The following CES4A variants were observed in gnomAD, a reference collection of about 807,000 sequenced individuals.
CES4A encodes carboxylesterase 6.
CES4A carries 48 observed loss-of-function variants against 65.4 expected under a neutral mutation model. The ratio of observed to expected loss-of-function variants is 0.73; its 90% confidence interval spans 0.58 to 0.93. The LOEUF (loss-of-function observed/expected upper bound fraction) is 0.93. Ranked by LOEUF, CES4A falls within the 40% of genes least tolerant of loss-of-function variation. The pLI, the probability that CES4A is intolerant of heterozygous loss-of-function variation, is 0.00. For missense variants in CES4A, 685 were observed against 728.5 expected, an observed-to-expected ratio of 0.94 and a Z score of 0.69; for synonymous variants, 247 against 281.8, an observed-to-expected ratio of 0.88 and a Z score of 1.24.
chr16:67,004,665 T>C (rs546244344), intron 9 of CES4A, 128 bp from the exon 10 acceptor site: 10 of 728,622 alleles, frequency 1.4e-5, no homozygotes, highest in Non-Finnish European at 1.9e-5. Context: ...GGGCCCTTCC[T>C]GGGCTGTGTG....
chr16:67,009,213 G>C (rs1966004371), exon 14 of CES4A: 2 of 1,432,640 alleles, frequency 1.4e-6, no homozygotes, highest in Non-Finnish European at 1.9e-6. Context: ...GACTAGCCAT[G>C]GACATACCTG....
downstream of CES4A, among the ~76,000 whole-genome samples, chr16:67,010,320 C>T (rs1232912513): frequency 2.6e-5 from 4 of 152,088 alleles, no homozygotes; most frequent in East Asian, 7.7e-4. Context: ...CCCGTCTCAG[C>T]CTGCTGAAGT....
At chr16:66,988,689 G>A in exon 1 of CES4A, 1 of 1,548,026 alleles carries the variant, frequency 6.5e-7, no homozygotes, top group Non-Finnish European at 8.7e-7. Flanking sequence ...CTCACACACT[G>A]TAGACACGGC....
chr16:67,006,043 G>C (rs1005114783), intron 11 of CES4A: 5 of 245,704 alleles, frequency 2.0e-5, no homozygotes, highest in Admixed American at 4.7e-5. Context: ...TAAAGGGGGG[G>C]GGGCTGGAAA....
chr16:66,991,770 T>C (rs1395836878), intron 1 of CES4A, among the ~76,000 whole-genome samples: 2 of 152,150 alleles, frequency 1.3e-5, no homozygotes, highest in African/African-American at 4.8e-5. Context: ...CACATTTGTA[T>C]AGTTTTGTAA....
chr16:67,001,515 C>T lies in CES4A; in HGVS notation c.690+54C>T. 6.5e-7 allele frequency: 1 copy of T among 1,531,058 alleles called. No individual in the cohort carries two copies. Among genetic ancestry groups the T allele is most frequent in the Non-Finnish European group, 8.8e-7 (1 of 1,136,222 alleles). 94.8% of individuals were successfully genotyped at this position (1,531,058 alleles called of 1,614,324 possible). ...ACAGACTTAGGCTCCTGCGTTCCCACAAATGTATGCTCCACTGCACAGGCC... is the reference window on the plus strand; with the variant it reads ...ACAGACTTAGGCTCCTGCGTTCCCATAAATGTATGCTCCACTGCACAGGCC... On this transcript the variant is annotated intron_variant, in intron 5 of 13. Coordinates refer to ENST00000648724, the Ensembl canonical transcript of CES4A. The surrounding 1 kb of genome is among the most constrained non-coding windows in gnomAD (Gnocchi z 4.1).
intron 2 of CES4A, among the ~76,000 whole-genome samples, chr16:66,999,335 G>C (rs2145616284): frequency 6.6e-6 from 1 of 152,334 alleles, no homozygotes; most frequent in South Asian, 2.1e-4. Context: ...GAAAAGGTGA[G>C]GTGGCCGGAG....
In CES4A at chr16:67,005,405, C is replaced by A. The variant is rs764932506; in HGVS notation, c.1315+12C>A. ...TCACTACCACCGAGGTATGCAGGGT[C>A]CCCAAGAGTGGCCACACTGGCCCCG... On this transcript the variant is annotated intron_variant, in intron 11 of 13. Coordinates refer to ENST00000648724, the Ensembl canonical transcript of CES4A. 1.2e-6 allele frequency: 2 copies of A among 1,612,076 alleles called. No individual in the cohort carries two copies. Among genetic ancestry groups the A allele is most frequent in the Admixed American group, 1.7e-5 (1 of 59,706 alleles).
intron 13 of CES4A, 112 bp downstream of exon 13, chr16:67,006,929 G>A (rs555018376): frequency 1.9e-5 from 18 of 952,070 alleles, no homozygotes; most frequent in Middle Eastern, 2.6e-4. Flanking sequence ...CTGCCCAGTC[G>A]GCCCAAACAG....
chr16:67,007,203 C>A (rs1263216894), intron 13 of CES4A: 1 of 187,048 alleles, frequency 5.3e-6, no homozygotes, highest in Non-Finnish European at 1.1e-5. Context: ...TGGGGGAGCA[C>A]AAGGCACTTT....
At chr16:66,998,051 A>T (rs2145609894) in intron 2 of CES4A, among the ~76,000 whole-genome samples, 1 of 150,344 alleles carries the variant, frequency 6.7e-6, no homozygotes, top group African/African-American at 2.5e-5. Flanking sequence ...TTCCACGTGG[A>T]GGGGCGGTAA....
At chr16:66,993,478 G>A (rs1027677958) in intron 1 of CES4A, among the ~76,000 whole-genome samples, 10 of 152,046 alleles carry the variant, frequency 6.6e-5, no homozygotes, top group Admixed American at 2.6e-4. Flanking sequence ...GAGTAGCTGG[G>A]ATTACAGGTG....
intron 5 of CES4A, among the ~76,000 whole-genome samples, chr16:67,002,544 G>A (rs1357399790): frequency 6.6e-6 from 1 of 152,220 alleles, no homozygotes; most frequent in South Asian, 2.1e-4. Flanking sequence ...CTGGGGTGTG[G>A]TCATTAGCAG....
chr16:66,992,179 C>T (rs1431486812), intron 1 of CES4A, among the ~76,000 whole-genome samples: 3 of 152,246 alleles, frequency 2.0e-5, no homozygotes, highest in Non-Finnish European at 4.4e-5. Context: ...CCTCCCCCAG[C>T]TCCTCCCAAG....
In CES4A at chr16:66,995,791, C is replaced by T. The variant is rs1479080580; in HGVS notation, c.222C>T (p.Pro74=). Reference sequence around the variant, plus strand: ...TTGCACCTCCAGAACCCCCGGAGCCCTGGAAAGGAATCAGAGATGCTACCA... The same window carrying T: ...TTGCACCTCCAGAACCCCCGGAGCCTTGGAAAGGAATCAGAGATGCTACCA... The change falls in exon 2 of 14, where the codon CCC becomes CCT. Residue 74 remains proline, a synonymous_variant. Coordinates refer to ENST00000648724, the Ensembl canonical transcript of CES4A. 1.9e-6 allele frequency: 3 copies of T among 1,614,018 alleles called. No individual in the cohort carries two copies. The Admixed American group carries it at 5.0e-5, about 27-fold the overall frequency.
At chr16:66,994,523 T>C (rs1389408792) in intron 1 of CES4A, among the ~76,000 whole-genome samples, 2 of 150,886 alleles carry the variant, frequency 1.3e-5, no homozygotes, top group African/African-American at 2.4e-5. Flanking sequence ...CATGAACTTT[T>C]ATATGCTTAC....
chr16:67,001,051 G>A lies in CES4A; in HGVS notation c.536+61G>A. ...GGCCAGAGCGGCGGGGACTGGGTGG[G>A]AAGGGAGGGGCGGGGCCTGGGGCGG... On this transcript the variant is annotated intron_variant, in intron 4 of 13. Coordinates refer to ENST00000648724, the Ensembl canonical transcript of CES4A. This position sits in a 1 kb window ranked among gnomAD's most constrained non-coding sequence, Gnocchi z 4.1. 1 of 1,005,208 alleles carries A rather than the reference G, an allele frequency of 9.9e-7. No homozygotes were observed. Among genetic ancestry groups the A allele is most frequent in the Non-Finnish European group, 1.5e-6 (1 of 665,794 alleles). The allele number at this position is 1,005,208 out of a possible 1,614,324, so 62.3% of individuals were successfully genotyped here.
At chr16:66,996,068 T>G in intron 2 of CES4A, 1 of 614,136 alleles carries the variant, frequency 1.6e-6, no homozygotes, top group Middle Eastern at 4.3e-4. Context: ...AGATGGAGTC[T>G]CGCTCTGTCG....
intron 2 of CES4A, 187 bp downstream of exon 2, chr16:66,996,016 A>T (rs1362700808): frequency 4.3e-6 from 3 of 702,806 alleles, no homozygotes; most frequent in Admixed American, 4.0e-5. Flanking sequence ...TACATCACTG[A>T]CAATGCTGCT....
Sources: gnomAD v4.1 joint callset for allele counts (sites outside exome capture counted in the v4.1 genomes callset) on GRCh38, gnomAD v4.1.1 for gene constraint, Gnocchi (gnomAD v3.1) non-coding constraint, MANE v1.5 for transcripts, NCBI Gene and HGNC (gene_info 2026-07-23, HGNC 2026-07-21) for gene names.